DAB2IP: variants seen among roughly 807,000 people sequenced by gnomAD.
DAB2IP encodes the protein DAB2 interacting protein.
Under a neutral mutation model 107.2 loss-of-function variants are expected in DAB2IP, and 28 were observed. The observed-to-expected ratio is 0.26, with a 90% CI of 0.19 to 0.36. DAB2IP has a LOEUF of 0.36. Ranked by LOEUF, DAB2IP falls within the 10% of genes least tolerant of loss-of-function variation. DAB2IP has a pLI of 1.00. For missense variants in DAB2IP, 1,400 were observed against 1,644.7 expected (o/e 0.85, Z 2.57); for synonymous variants, 755 against 706.4 (o/e 1.07, Z -1.09).
upstream of DAB2IP, among the ~76,000 whole-genome samples, chr9:121,648,940 C>G (rs866356427): frequency 6.6e-6 from 1 of 152,134 alleles, no homozygotes; most frequent in South Asian, 2.1e-4. Flanking sequence ...GGGGCGCCGG[C>G]GGGAGGTGGG....
At chr9:121,768,749 C>T (rs1201126742) in intron 10 of DAB2IP, 116 bp downstream of exon 10, 7 of 1,268,400 alleles carry the variant, frequency 5.5e-6, no homozygotes, top group Non-Finnish European at 7.7e-6. Context: ...ATGATCAGGC[C>T]AGGTCCTGTC....
intron 1 of DAB2IP, among the ~76,000 whole-genome samples, chr9:121,669,659 C>CTG (rs1401034152): frequency 6.6e-6 from 1 of 152,144 alleles, no homozygotes; most frequent in Non-Finnish European, 1.5e-5. Flanking sequence ...AAAGCTGTGA[C>CTG]TGGTAAAGTA....
chr9:121,705,252 C>T (rs1589550688), intron 3 of DAB2IP, among the ~76,000 whole-genome samples: 1 of 152,146 alleles, frequency 6.6e-6, no homozygotes, highest in Non-Finnish European at 1.5e-5. Context: ...TGTCTGTGTA[C>T]GTCTTTTGTA....
At position 121,604,685 on chromosome 9, in the gene DAB2IP, G is replaced by A. The variant is rs145783069; in HGVS notation, c.40+37457G>A. Among the ~76,000 whole-genome samples the A allele has an allele frequency of 1.4e-3, 212 of 152,254 alleles. 1 individual carries two copies. Among genetic ancestry groups the A allele is most frequent in the African/African-American group, 4.6e-3 (193 of 41,550 alleles). On this transcript the variant is annotated intron_variant, in intron 1 of 16. Coordinates refer to the DAB2IP transcript ENST00000259371. ...CTCATTGCCCCCCTAAGGGTGAGCC[G>A]TTCCTCCGGGCTTGTAGCTCTTTCT...
At chr9:121,617,698 T>G (rs1219996158) in intron 1 of DAB2IP, among the ~76,000 whole-genome samples, 2 of 152,202 alleles carry the variant, frequency 1.3e-5, no homozygotes, top group African/African-American at 2.4e-5. Context: ...TCATTCCTAT[T>G]TTACAGATGA....
intron 10 of DAB2IP, 131 bp downstream of exon 10, chr9:121,768,764 C>T: frequency 8.9e-7 from 1 of 1,124,100 alleles, no homozygotes; most frequent in Non-Finnish European, 1.3e-6. Context: ...CCTGTCAGAA[C>T]ACACTGGGGA....
intron 1 of DAB2IP, among the ~76,000 whole-genome samples, chr9:121,677,659 C>T (rs956473297): frequency 6.6e-6 from 1 of 152,104 alleles, no homozygotes; most frequent in Non-Finnish European, 1.5e-5. Flanking sequence ...TTTTGGGGAA[C>T]CTTTCCCCCC....
intron 1 of DAB2IP, among the ~76,000 whole-genome samples, chr9:121,568,918 A>G (rs1379304139): frequency 6.6e-6 from 1 of 152,232 alleles, no homozygotes; most frequent in Non-Finnish European, 1.5e-5. Flanking sequence ...ATGCACAATC[A>G]GCTCCTTGTC....
chr9:121,570,505 A>T (rs1316704163), intron 1 of DAB2IP, among the ~76,000 whole-genome samples: 1 of 151,982 alleles, frequency 6.6e-6, no homozygotes, highest in African/African-American at 2.4e-5. Context: ...TGGGAGTTCA[A>T]CATATGACTT....
chr9:121,597,585 T>G (rs1044941418), intron 1 of DAB2IP, among the ~76,000 whole-genome samples: 1 of 152,222 alleles, frequency 6.6e-6, no homozygotes, highest in African/African-American at 2.4e-5. Context: ...AAACTTGTGT[T>G]CACCTTTGCA....
In DAB2IP at chr9:121,770,480, G is replaced by A. The variant is rs539616029; in HGVS notation, c.1900-66G>A. 92 of 1,551,346 alleles carry A rather than the reference G, an allele frequency of 5.9e-5. No individual in the cohort carries two copies. The African/African-American group carries it at 1.2e-3, about 20-fold the overall frequency. ...GCAGTGGTTTTGAGCCATAGTGGCT[G>A]CAGCACATACAGCCTACCCATGTGG... On this transcript the variant is annotated intron_variant, in intron 10 of 15. Transcript: ENST00000408936.
chr9:121,659,359 C>G (rs996927420), intron 1 of DAB2IP, among the ~76,000 whole-genome samples: 4 of 152,182 alleles, frequency 2.6e-5, no homozygotes, highest in Non-Finnish European at 5.9e-5. Context: ...AGAGTCCTGA[C>G]TAGGTCATAA....
At chr9:121,642,006 TCTCTCTCTCTCTCTC>T (rs1832342264) in intron 1 of DAB2IP, among the ~76,000 whole-genome samples, 3 of 21,620 alleles carry the variant, frequency 1.4e-4, no homozygotes, top group South Asian at 7.8e-3. Flanking sequence ...TCTCTCTCTC[TCTCTCTCTCTCTCTC>T]TCTCTCTCTC....
intron 1 of DAB2IP, among the ~76,000 whole-genome samples, chr9:121,582,406 A>AG (rs1412659153): frequency 2.6e-5 from 4 of 151,806 alleles, no homozygotes; most frequent in Admixed American, 2.0e-4. Flanking sequence ...CATTCAGAGG[A>AG]GGGTGCGGGC....
chr9:121,605,944 A>C (rs947152037), intron 1 of DAB2IP, among the ~76,000 whole-genome samples: 10 of 152,232 alleles, frequency 6.6e-5, no homozygotes, highest in Admixed American at 4.6e-4. Flanking sequence ...CTGGGGTTGC[A>C]CAGTTATTTG....
intron 1 of DAB2IP, among the ~76,000 whole-genome samples, chr9:121,568,320 A>G (rs1829855043): frequency 6.6e-6 from 1 of 152,158 alleles, no homozygotes; most frequent in Non-Finnish European, 1.5e-5. Flanking sequence ...GAAGCTTGGC[A>G]AGGCCCAGCC....
At chr9:121,711,431 T>A (rs72770697) in intron 3 of DAB2IP, among the ~76,000 whole-genome samples, 3,991 of 152,328 alleles carry the variant, frequency 0.026, 89 homozygotes, top group South Asian at 0.055. Flanking sequence ...ACCCAGGAGA[T>A]GAAAGGCCCT....
At chr9:121,737,230 C>T in intron 3 of DAB2IP, 3 of 985,316 alleles carry the variant, frequency 3.0e-6, no homozygotes, top group Non-Finnish European at 3.6e-6. Context: ...CTTGCCATGG[C>T]TGGAAGCGAT....
intron 1 of DAB2IP, among the ~76,000 whole-genome samples, chr9:121,678,093 A>G (rs1032171729): frequency 2.0e-4 from 31 of 152,232 alleles, no homozygotes; most frequent in African/African-American, 7.5e-4. Context: ...ACCACTATCC[A>G]TTCCTAAAAC....
Sources: gnomAD v4.1 joint callset for allele counts (sites outside exome capture counted in the v4.1 genomes callset) on GRCh38, gnomAD v4.1.1 for gene constraint, MANE v1.5 for transcripts, NCBI Gene and HGNC (gene_info 2026-07-23, HGNC 2026-07-21) for gene names.